Variants in RXFP1 observed in about 807,000 individuals in gnomAD.
RXFP1 encodes relaxin receptor 1.
In RXFP1, 73 loss-of-function variants were observed where a neutral mutation model predicts 89.8. The observed-to-expected ratio is 0.81, with a 90% CI of 0.67 to 0.99. The LOEUF (loss-of-function observed/expected upper bound fraction) is 0.99, where lower values mean the gene tolerates loss of function less well. Among genes scored for constraint, RXFP1 ranks in the 50% least tolerant of loss-of-function variants. The pLI, the probability that RXFP1 is intolerant of heterozygous loss-of-function variation, is 0.00. For missense variants in RXFP1, 793 were observed against 895.5 expected (o/e 0.89, Z 1.46); for synonymous variants, 277 against 305.5 (o/e 0.91, Z 0.97).
intron 1 of RXFP1, among the ~76,000 whole-genome samples, chr4:158,523,197 A>G (rs1741612761): frequency 6.6e-6 from 1 of 152,244 alleles, no homozygotes. Context: ...GTTTCTAATT[A>G]TAATTGCATG....
At chr4:158,566,782 GGCAGCCCTT>G (rs1753649620) in intron 1 of RXFP1, among the ~76,000 whole-genome samples, 1 of 152,248 alleles carries the variant, frequency 6.6e-6, no homozygotes, top group African/African-American at 2.4e-5. Flanking sequence ...ACAGCGTGCT[GGCAGCCCTT>G]GCAGCCCTCG....
Position 158,544,385 on chromosome 4 carries a change from A to C in RXFP1, c.49+22360A>C, listed in dbSNP as rs1380366357. On this transcript the variant is annotated intron_variant, in intron 1 of 17. Transcript: ENST00000307765. ...TTCAAAAGAGGGACAGATCACCCAGAATGGACATGGTCATAGAGGAAGTAA... is the reference window on the plus strand; with the variant it reads ...TTCAAAAGAGGGACAGATCACCCAGCATGGACATGGTCATAGAGGAAGTAA... 4 of 983,888 alleles carry C rather than the reference A, an allele frequency of 4.1e-6. No homozygotes were observed. In the African/African-American group the frequency reaches 5.2e-5, roughly 13 times the overall value. 60.9% of individuals were successfully genotyped at this position (983,888 alleles called of 1,614,324 possible).
intron 15 of RXFP1, chr4:158,646,434 A>T (rs1173060899): frequency 1.7e-6 from 2 of 1,209,934 alleles, no homozygotes; most frequent in Non-Finnish European, 2.1e-6. Context: ...TGCCATCCTC[A>T]TCTGAGTCCC....
intron 1 of RXFP1, among the ~76,000 whole-genome samples, chr4:158,557,380 A>G (rs897037216): frequency 6.6e-6 from 1 of 152,188 alleles, no homozygotes; most frequent in Non-Finnish European, 1.5e-5. Context: ...TAAATTCCTT[A>G]AAGTATCAGT....
Position 158,562,523 on chromosome 4 carries a change from C to CAAAAAAAAAAA in RXFP1, c.50-10157_50-10147dup, listed in dbSNP as rs55944906. On this transcript the variant is annotated intron_variant, in intron 1 of 17. Transcript: ENST00000307765. ...TGGGCGACAGAGCGAGACTCCGTCT[C>CAAAAAAAAAAA]AAAAAAAAAAAAAAAAAAAAAAAAA... 2.0e-3 allele frequency among the ~76,000 whole-genome samples: 50 copies of CAAAAAAAAAAA among 25,344 alleles called. 6 individuals are homozygous for CAAAAAAAAAAA. The highest frequency in any genetic ancestry group is 0.056 in the Middle Eastern group (1 of 18). The allele number at this position is 25,344 out of a possible 152,430, so 16.6% of individuals were successfully genotyped here. A position where few individuals can be genotyped will look rare whatever the true frequency, so the allele number is the denominator to read the frequency against.
chr4:158,611,630 A>G (rs562350364), intron 6 of RXFP1, among the ~76,000 whole-genome samples: 1 of 152,190 alleles, frequency 6.6e-6, no homozygotes, highest in Non-Finnish European at 1.5e-5. Context: ...GCATGTCTTC[A>G]TCCAAGACTC....
At chr4:158,542,068 C>T (rs1463032048) in intron 1 of RXFP1, among the ~76,000 whole-genome samples, 3 of 84,034 alleles carry the variant, frequency 3.6e-5, no homozygotes, top group African/African-American at 8.6e-5. Context: ...TACAGGCAGG[C>T]GCCACCATGG....
intron 3 of RXFP1, among the ~76,000 whole-genome samples, chr4:158,598,576 A>G (rs1041070204): frequency 1.3e-5 from 2 of 152,178 alleles, no homozygotes; most frequent in African/African-American, 4.8e-5. Flanking sequence ...TAGCTATATG[A>G]ATACATCATT....
rs79075585 is a variant in RXFP1 at position 158,632,753 on chromosome 4, A to T, written c.900-652A>T. On this transcript the variant is annotated intron_variant, in intron 11 of 17. Coordinates refer to ENST00000307765, the MANE Select transcript of RXFP1 (RefSeq NM_021634.4). ...AATACACTTCCATAATAATCACAAC[A>T]ATCCTAAGCGGAAGAAAAAAATTAA... Among the ~76,000 whole-genome samples the T allele has an allele frequency of 3.6e-3, 550 of 152,298 alleles. 1 individual carries two copies. Among genetic ancestry groups the T allele is most frequent in the African/African-American group, 0.012 (503 of 41,542 alleles).
intron 2 of RXFP1, 48 bp downstream of exon 2, chr4:158,572,883 C>G (rs369682526): frequency 2.2e-4 from 352 of 1,595,732 alleles, no homozygotes; most frequent in Non-Finnish European, 2.8e-4. Flanking sequence ...GCAGAAAGGA[C>G]TGAAGGTGAA....
chr4:158,570,974 C>T (rs2149991206), intron 1 of RXFP1, among the ~76,000 whole-genome samples: 1 of 152,226 alleles, frequency 6.6e-6, no homozygotes, highest in Admixed American at 6.5e-5. Flanking sequence ...CCACTCCTAC[C>T]TCCCCTACTC....
intron 14 of RXFP1, among the ~76,000 whole-genome samples, chr4:158,643,612 C>T (rs1770847370): frequency 6.6e-6 from 1 of 151,822 alleles, no homozygotes; most frequent in African/African-American, 2.4e-5. Flanking sequence ...GCTGGGACTA[C>T]AGGTGTGCGC....
intron 1 of RXFP1, among the ~76,000 whole-genome samples, chr4:158,551,167 A>T (rs1301422726): frequency 6.6e-6 from 1 of 152,218 alleles, no homozygotes; most frequent in East Asian, 1.9e-4. Flanking sequence ...TTGTGACAAC[A>T]TGGATGAACC....
intron 4 of RXFP1, among the ~76,000 whole-genome samples, chr4:158,603,566 T>G (rs1762058553): frequency 6.6e-6 from 1 of 152,114 alleles, no homozygotes; most frequent in African/African-American, 2.4e-5. Flanking sequence ...ACTTTTTTTT[T>G]TCTATTTGTC....
intron 1 of RXFP1, among the ~76,000 whole-genome samples, chr4:158,545,661 T>A (rs898005440): frequency 6.6e-6 from 1 of 152,232 alleles, no homozygotes; most frequent in Non-Finnish European, 1.5e-5. Flanking sequence ...TTCAGCTTTC[T>A]ACATATGGCT....
Position 158,617,139 on chromosome 4 carries a change from T to G in RXFP1, c.689T>G (p.Met230Arg). The G allele has an allele frequency of 6.2e-7, 1 of 1,606,012 alleles. No homozygotes were observed. The highest frequency in any genetic ancestry group is 8.5e-7 in the Non-Finnish European group (1 of 1,175,634). Residue 230 changes from methionine (M) to arginine (R), a missense_variant, in exon 9 of 18, where the codon ATG becomes AGG. By Grantham distance (91) the Met-to-Arg change is moderately conservative. Coordinates refer to ENST00000307765, the MANE Select transcript of RXFP1 (RefSeq NM_021634.4). The stretch of plus-strand genomic sequence containing the variant: ...GTCTTTTCCTTTTTCAGAGTCCTGA[T>G]GAATAACGTCCTCACCCGTTTACCT... ...GLNSLILLVL[M>R]NNVLTRLPDK...
At chr4:158,585,416 C>T (rs1415219213) in intron 2 of RXFP1, among the ~76,000 whole-genome samples, 1 of 152,194 alleles carries the variant, frequency 6.6e-6, no homozygotes, top group African/African-American at 2.4e-5. Flanking sequence ...TGTCCCCAAT[C>T]AAATCTCATC....
chr4:158,572,709 G>A lies in RXFP1; in HGVS notation c.61G>A (p.Gly21Ser), dbSNP rs1240199718. 3.1e-6 allele frequency: 5 copies of A among 1,614,026 alleles called. No homozygotes were observed. The highest frequency in any genetic ancestry group is 4.2e-6 in the Non-Finnish European group (5 of 1,180,016). The change falls in exon 2 of 18, where the codon GGT (glycine) becomes AGT (serine). Residue 21 changes from glycine to serine, a missense_variant. Transcript: ENST00000307765. ...CCCCTTTTCCTCAGTTTCTCATGGG[G>A]GTGGACAGGATGTCAAGTGCTCCCT... ...LIFGKYFSHGGGQDVKCSLGY... is the reference protein window; with the variant it reads ...LIFGKYFSHGSGQDVKCSLGY...
At chr4:158,605,975 C>A (rs547272231) in intron 5 of RXFP1, among the ~76,000 whole-genome samples, 3 of 152,138 alleles carry the variant, frequency 2.0e-5, no homozygotes, top group African/African-American at 7.2e-5. Context: ...GAAGAATTAA[C>A]CCACTTCCTT....
Sources: allele counts gnomAD v4.1 joint callset (sites outside exome capture counted in the v4.1 genomes callset), GRCh38; gene constraint gnomAD v4.1.1; transcripts MANE v1.5; gene names NCBI Gene and HGNC (gene_info 2026-07-23, HGNC 2026-07-21).